Variants in SGO2 observed in about 807,000 individuals in gnomAD.
SGO2 encodes shugoshin-like 2.
In SGO2, 68 loss-of-function variants were observed where a neutral mutation model predicts 99.5. That is an observed-to-expected ratio of 0.68 (90% CI 0.56 to 0.84). The LOEUF (loss-of-function observed/expected upper bound fraction) is 0.84, where lower values mean the gene tolerates loss of function less well. SGO2 is among the 40% of genes least tolerant of loss of function. The pLI is 0.00. For missense variants in SGO2, 1,350 were observed against 1,436.7 expected, an observed-to-expected ratio of 0.94 and a Z score of 0.97; for synonymous variants, 457 against 487.1, an observed-to-expected ratio of 0.94 and a Z score of 0.81.
chr2:200,543,631 A>G (rs2032070438), intron 5 of SGO2: 1 of 152,188 alleles, frequency 6.6e-6, no homozygotes, highest in Non-Finnish European at 1.5e-5. Flanking sequence ...TTACTGTATC[A>G]CTTTCAATTC....
chr2:200,547,782 A>G (rs551450518), intron 5 of SGO2, among the ~76,000 whole-genome samples: 1 of 152,228 alleles, frequency 6.6e-6, no homozygotes, highest in South Asian at 2.1e-4. Context: ...GCAAAGACAC[A>G]TATAGACAAA....
Position 200,535,186 on chromosome 2 carries a change from T to C in SGO2, c.309+15T>C. 2 of 1,473,774 alleles carry C rather than the reference T, an allele frequency of 1.4e-6. No homozygotes were observed. Among genetic ancestry groups the C allele is most frequent in the South Asian group, 1.5e-5 (1 of 68,612 alleles). The allele number at this position is 1,473,774 out of a possible 1,614,324, so 91.3% of individuals were successfully genotyped here. ...TAAATAACTTGGTATGTAAGCTATATTGTTTTTGAATTCTAATTATAACTT... is the reference window on the plus strand; with the variant it reads ...TAAATAACTTGGTATGTAAGCTATACTGTTTTTGAATTCTAATTATAACTT... On this transcript the variant is annotated intron_variant, in intron 3 of 8. Coordinates refer to ENST00000357799, the MANE Select transcript of SGO2 (RefSeq NM_152524.6).
intron 5 of SGO2, among the ~76,000 whole-genome samples, chr2:200,545,060 G>A (rs562285314): frequency 1.3e-5 from 2 of 152,302 alleles, no homozygotes; most frequent in South Asian, 4.1e-4. Flanking sequence ...AGCCTGGAGT[G>A]TAGTGGTGCA....
At chr2:200,530,428 T>C (rs770627978) in intron 1 of SGO2, among the ~76,000 whole-genome samples, 8 of 152,214 alleles carry the variant, frequency 5.3e-5, no homozygotes, top group Non-Finnish European at 7.3e-5. Flanking sequence ...ATGCATCTAC[T>C]TTAGTTATTA....
intron 4 of SGO2, among the ~76,000 whole-genome samples, chr2:200,538,015 A>G (rs1183282511): frequency 6.6e-6 from 1 of 152,146 alleles, no homozygotes; most frequent in African/African-American, 2.4e-5. Context: ...TTCACCACGC[A>G]TGTCCAAGGC....
chr2:200,536,147 G>A lies in SGO2; in HGVS notation c.387+5G>A, dbSNP rs1002762066. On this transcript the variant is annotated splice_donor_5th_base_variant and intron_variant, in intron 4 of 8. Coordinates refer to ENST00000357799, the MANE Select transcript of SGO2 (RefSeq NM_152524.6). ...GAAATGAGCAGTCTTTCTGAGGTAA[G>A]TAGAATTTATATGTAAATAGTGTTG... is the stretch of plus-strand genomic sequence containing the variant. 5.1e-6 allele frequency: 8 copies of A among 1,567,964 alleles called. No homozygotes were observed. In the East Asian group the frequency reaches 1.6e-4, roughly 31 times the overall value.
At chr2:200,541,554 A>G (rs2031957448) in intron 4 of SGO2, among the ~76,000 whole-genome samples, 1 of 152,132 alleles carries the variant, frequency 6.6e-6, no homozygotes, top group Non-Finnish European at 1.5e-5. Flanking sequence ...TCTTGTCTCT[A>G]GGACCTGCAA....
chr2:200,558,199 C>T (rs1014681041), intron 5 of SGO2, among the ~76,000 whole-genome samples: 1 of 152,102 alleles, frequency 6.6e-6, no homozygotes, highest in Admixed American at 6.6e-5. Context: ...GAAGTAAGAA[C>T]AGGCATTCAT....
chr2:200,547,652 A>G (rs373322720), intron 5 of SGO2, among the ~76,000 whole-genome samples: 17 of 152,192 alleles, frequency 1.1e-4, no homozygotes, highest in African/African-American at 4.1e-4. Context: ...AAATTATAGA[A>G]TTCTTTTGTG....
At chr2:200,533,254 A>G in intron 2 of SGO2, 146 bp downstream of exon 2, 1 of 834,168 alleles carries the variant, frequency 1.2e-6, no homozygotes, top group Non-Finnish European at 1.8e-6. Flanking sequence ...GATCCTTCCT[A>G]TCTCCTTCAA....
chr2:200,550,967 T>C (rs2032456522), intron 5 of SGO2, among the ~76,000 whole-genome samples: 1 of 150,102 alleles, frequency 6.7e-6, no homozygotes, highest in South Asian at 2.1e-4. Flanking sequence ...CCAGCATATA[T>C]TGGGAGCTTA....
chr2:200,576,959 G>C (rs1413854253), intron 8 of SGO2, among the ~76,000 whole-genome samples: 2 of 151,616 alleles, frequency 1.3e-5, no homozygotes, highest in African/African-American at 4.8e-5. Flanking sequence ...TGGACAATTG[G>C]GTTGTTTTCA....
At chr2:200,529,265 T>C (rs980705028) in intron 1 of SGO2, among the ~76,000 whole-genome samples, 1 of 152,258 alleles carries the variant, frequency 6.6e-6, no homozygotes, top group African/African-American at 2.4e-5. Context: ...CCCTTCCTAA[T>C]CTTGATGCCT....
chr2:200,569,646 T>G lies in SGO2; in HGVS notation c.474-17T>G, dbSNP rs755992031. 3 of 1,560,336 alleles carry G rather than the reference T, an allele frequency of 1.9e-6. No homozygotes were observed. Among genetic ancestry groups the G allele is most frequent in the Non-Finnish European group, 2.6e-6 (3 of 1,151,328 alleles). On this transcript the variant is annotated splice_polypyrimidine_tract_variant and intron_variant, in intron 5 of 8. Coordinates refer to ENST00000357799, the MANE Select transcript of SGO2 (RefSeq NM_152524.6). The stretch of plus-strand genomic sequence containing the variant: ...ATAAAACACATAATTTCTCATTTCC[T>G]TCCCACTTGCCTTTAGGGTTCCATT...
At position 200,572,372 on chromosome 2, in the gene SGO2, G is replaced by A. The variant is rs1403381476; in HGVS notation, c.2026G>A (p.Asp676Asn). The A allele has an allele frequency of 6.2e-7, 1 of 1,613,104 alleles. No individual in the cohort carries two copies. Among genetic ancestry groups the A allele is most frequent in the South Asian group, 1.1e-5 (1 of 90,942 alleles). The change falls in exon 7 of 9, where the codon GAT becomes AAT. Residue 676 changes from aspartate (D) to asparagine (N), a missense_variant. Coordinates refer to ENST00000357799, the MANE Select transcript of SGO2 (RefSeq NM_152524.6). ...TCAAATCCCAGCTCTTTCTACTAGA[G>A]ATAATGAAAATCAATGTGACTATAG... Reference protein sequence around the residue: ...ELQIPALSTRDNENQCDYRTQ... With the variant: ...ELQIPALSTRNNENQCDYRTQ...
chr2:200,560,115 A>G (rs2032883865), intron 5 of SGO2, among the ~76,000 whole-genome samples: 1 of 152,064 alleles, frequency 6.6e-6, no homozygotes, highest in South Asian at 2.1e-4. Context: ...TCTGTCAGTT[A>G]TTGAGAGAAG....
chr2:200,570,456 G>A lies in SGO2; in HGVS notation c.703+564G>A, dbSNP rs2106342148. ...ATAACAATTTTGAATTTAGAGCTTA[G>A]AATTGTTTTTCCTTTCTGAAAATGT... is the stretch of plus-strand genomic sequence containing the variant. On this transcript the variant is annotated intron_variant, in intron 6 of 8. Coordinates refer to ENST00000357799, the MANE Select transcript of SGO2 (RefSeq NM_152524.6). The surrounding 1 kb of genome is among the most constrained non-coding windows in gnomAD (Gnocchi z 4.4). Among the ~76,000 whole-genome samples, 1 of 146,244 alleles carries A rather than the reference G, an allele frequency of 6.8e-6. No individual in the cohort carries two copies. Among genetic ancestry groups the A allele is most frequent in the South Asian group, 2.2e-4 (1 of 4,622 alleles).
chr2:200,537,236 T>G (rs1266029101), intron 4 of SGO2, among the ~76,000 whole-genome samples: 1 of 152,076 alleles, frequency 6.6e-6, no homozygotes. Context: ...GCATCATTAA[T>G]TTTTTCCCTC....
At chr2:200,561,665 A>G (rs2032977070) in intron 5 of SGO2, among the ~76,000 whole-genome samples, 1 of 152,258 alleles carries the variant, frequency 6.6e-6, no homozygotes, top group African/African-American at 2.4e-5. Context: ...ACTAGTTTAC[A>G]GTCCCACCAA....
Sources: gnomAD v4.1 joint callset for allele counts (sites outside exome capture counted in the v4.1 genomes callset) on GRCh38, gnomAD v4.1.1 for gene constraint, Gnocchi (gnomAD v3.1) non-coding constraint, MANE v1.5 for transcripts, NCBI Gene and HGNC (gene_info 2026-07-23, HGNC 2026-07-21) for gene names.